Variants in PSD3 observed in about 807,000 individuals in gnomAD.
The protein encoded by PSD3 is pleckstrin and Sec7 domain containing 3.
PSD3 carries 49 observed loss-of-function variants against 105.5 expected under a neutral mutation model. The ratio of observed to expected loss-of-function variants is 0.46; its 90% CI spans 0.37 to 0.59. PSD3 has a LOEUF of 0.59. Ranked by LOEUF, PSD3 falls within the 20% of genes least tolerant of loss-of-function variation. The pLI, the probability that PSD3 is intolerant of heterozygous loss-of-function variation, is 0.00. For synonymous variants in PSD3, 557 were observed against 457.8 expected (o/e 1.22, Z -2.77); for missense variants, 1,561 against 1,263.8 (o/e 1.24, Z -3.57).
chr8:18,921,867 C>G (rs913913880), intron 2 of PSD3, among the ~76,000 whole-genome samples: 1 of 152,168 alleles, frequency 6.6e-6, no homozygotes, highest in Non-Finnish European at 1.5e-5. Flanking sequence ...GCTCTGAAGG[C>G]ACCAGCACTA....
intron 1 of PSD3, among the ~76,000 whole-genome samples, chr8:19,071,860 C>T (rs536395836): frequency 1.2e-4 from 19 of 152,080 alleles, no homozygotes; most frequent in Non-Finnish European, 2.4e-4. Context: ...CAGGCACCTG[C>T]CACCACACCC....
chr8:18,756,253 T>C (rs191381083), intron 9 of PSD3, among the ~76,000 whole-genome samples: 1 of 152,236 alleles, frequency 6.6e-6, no homozygotes, highest in Admixed American at 6.5e-5. Flanking sequence ...TAAGTTCCTA[T>C]TTTCAACTAC....
At chr8:18,665,763 A>G (rs944860218) in intron 9 of PSD3, among the ~76,000 whole-genome samples, 2 of 152,164 alleles carry the variant, frequency 1.3e-5, no homozygotes, top group Admixed American at 6.5e-5. Context: ...AGGTGAGAAG[A>G]CTGTTTGAGC....
chr8:18,579,655 T>C (rs1253654008), intron 12 of PSD3, among the ~76,000 whole-genome samples: 3 of 152,204 alleles, frequency 2.0e-5, no homozygotes, highest in African/African-American at 4.8e-5. Context: ...TCTTGTGAAG[T>C]TGAATCTTAA....
intron 2 of PSD3, among the ~76,000 whole-genome samples, chr8:18,906,846 G>A (rs1819882817): frequency 6.6e-6 from 1 of 152,134 alleles, no homozygotes; most frequent in African/African-American, 2.4e-5. Flanking sequence ...ATACACGTAA[G>A]ATTACAATGG....
At chr8:18,977,127 G>C (rs888180226) in intron 1 of PSD3, among the ~76,000 whole-genome samples, 10 of 152,018 alleles carry the variant, frequency 6.6e-5, no homozygotes, top group African/African-American at 2.4e-4. Flanking sequence ...AGGTGTGCTG[G>C]TACATGCCTG....
intron 4 of PSD3, among the ~76,000 whole-genome samples, chr8:18,858,224 G>A (rs968871509): frequency 1.3e-5 from 2 of 152,138 alleles, no homozygotes; most frequent in African/African-American, 4.8e-5. Context: ...ATAAGAGTTA[G>A]GTTTACGCTG....
At position 18,667,239 on chromosome 8, in the gene PSD3, G is replaced by C. The variant is rs1263911093; in HGVS notation, c.2173-11554C>G. ...ACTCTGTTTTACAGAGAACTGATTG[G>C]TCCATTTTGACAAGGTGCTGACTGG... On this transcript the variant is annotated intron_variant, in intron 9 of 15. Transcript: ENST00000327040. Among the ~76,000 whole-genome samples the C allele has an allele frequency of 2.6e-5, 4 of 152,224 alleles. No individual in the cohort carries two copies. The East Asian group carries it at 5.8e-4, about 22-fold the overall frequency.
intron 9 of PSD3, among the ~76,000 whole-genome samples, chr8:18,744,928 G>A (rs938351412): frequency 6.6e-6 from 1 of 152,102 alleles, no homozygotes; most frequent in African/African-American, 2.4e-5. Context: ...AAAAGAAGAT[G>A]GGCCAGTTAT....
intron 9 of PSD3, among the ~76,000 whole-genome samples, chr8:18,742,239 T>C (rs1804630836): frequency 6.6e-6 from 1 of 152,122 alleles, no homozygotes; most frequent in African/African-American, 2.4e-5. Context: ...GCTTTATATA[T>C]GATTTACCAA....
intron 4 of PSD3, among the ~76,000 whole-genome samples, chr8:18,848,649 T>C (rs981310795): frequency 1.3e-5 from 2 of 152,240 alleles, no homozygotes; most frequent in East Asian, 3.8e-4. Flanking sequence ...CTTGTATGTA[T>C]GTGTAGTGGT....
chr8:18,936,139 C>A lies in PSD3; in HGVS notation c.25G>T (p.Glu9Ter). 6.2e-7 allele frequency: 1 copy of A among 1,606,676 alleles called. No individual in the cohort carries two copies. The highest frequency in any genetic ancestry group is 8.5e-7 in the Non-Finnish European group (1 of 1,174,944). Residue 9 changes from glutamate to a stop codon, truncating the protein, a stop_gained, in exon 2 of 16, where the codon GAG becomes TAG. Transcript: ENST00000327040. LOFTEE classifies it high-confidence loss of function. MEGRSAAA[E>*]TFVWVNNASA... is the part of the protein sequence containing the mutation. Reference sequence around the variant, plus strand: ...GCATTGTTCACCCAAACAAATGTCTCTGCCTGCAAAATAAGAACAAAACAA... The same window carrying A: ...GCATTGTTCACCCAAACAAATGTCTATGCCTGCAAAATAAGAACAAAACAA...
chr8:18,623,446 CCCAAAAAAAA>C (rs1261497526), intron 11 of PSD3, among the ~76,000 whole-genome samples: 2 of 57,074 alleles, frequency 3.5e-5, no homozygotes, highest in East Asian at 6.5e-4. Context: ...CCCCCGTCTC[CCCAAAAAAAA>C]AAAAAAAAAA....
chr8:18,548,087 C>T (rs1038759830), intron 15 of PSD3, among the ~76,000 whole-genome samples: 1 of 152,138 alleles, frequency 6.6e-6, no homozygotes, highest in Non-Finnish European at 1.5e-5. Flanking sequence ...AGAAAGTCTG[C>T]TGTTGACACT....
At chr8:18,655,795 C>CA in intron 9 of PSD3, 110 bp from the exon 10 acceptor site, 1 of 1,000,590 alleles carries the variant, frequency 1.0e-6, no homozygotes, top group Non-Finnish European at 1.5e-6. Context: ...CGAAGCCCCC[C>CA]TTGTCAGTCA....
intron 8 of PSD3, among the ~76,000 whole-genome samples, chr8:18,790,836 T>A (rs931829765): frequency 6.7e-6 from 1 of 150,000 alleles, no homozygotes; most frequent in African/African-American, 2.5e-5. Context: ...GGTAAAAACA[T>A]AGACCAAAAG....
At chr8:18,723,618 C>T (rs1439198902) in intron 9 of PSD3, among the ~76,000 whole-genome samples, 1 of 152,148 alleles carries the variant, frequency 6.6e-6, no homozygotes, top group Non-Finnish European at 1.5e-5. Context: ...TCTCCAGTAC[C>T]ATCTCTCCCG....
chr8:19,040,376 T>G (rs554110607), intron 1 of PSD3, among the ~76,000 whole-genome samples: 119 of 152,190 alleles, frequency 7.8e-4, no homozygotes, highest in Middle Eastern at 3.4e-3. Context: ...GGCTAATTTT[T>G]GTATGTTTTG....
chr8:18,583,830 C>T (rs1802977190), intron 12 of PSD3, among the ~76,000 whole-genome samples: 1 of 152,088 alleles, frequency 6.6e-6, no homozygotes, highest in South Asian at 2.1e-4. Context: ...GAAGAAAGCT[C>T]CTTTGGGCAC....
Sources: allele counts gnomAD v4.1 joint callset (sites outside exome capture counted in the v4.1 genomes callset), GRCh38; gene constraint gnomAD v4.1.1; transcripts MANE v1.5; gene names NCBI Gene and HGNC (gene_info 2026-07-23, HGNC 2026-07-21).